Variants in GDAP1 observed in about 807,000 individuals in gnomAD.
GDAP1 encodes ganglioside induced differentiation associated protein 1, also known as ganglioside-induced differentiation-associated protein 1.
GDAP1 carries 34 observed loss-of-function variants against 40.1 expected under a neutral mutation model. The observed-to-expected ratio is 0.85, with a 90% confidence interval of 0.64 to 1.13. The LOEUF is 1.13. Ranked by LOEUF, GDAP1 falls within the 50% of genes most tolerant of loss-of-function variation. The probability of loss-of-function intolerance (pLI) is 0.00; values close to 1 mark genes in which losing one functional copy is unlikely to be tolerated. For missense variants in GDAP1, 374 were observed against 433.7 expected (o/e 0.86, Z 1.22); for synonymous variants, 170 against 157.4 (o/e 1.08, Z -0.60).
chr8:74,401,455 T>C (rs948427790), intron 2 of GDAP1, among the ~76,000 whole-genome samples: 13 of 149,830 alleles, frequency 8.7e-5, no homozygotes, highest in African/African-American at 3.3e-4. Context: ...TACATTCGTC[T>C]CTATTTTTTT....
intron 2 of GDAP1, among the ~76,000 whole-genome samples, chr8:74,376,422 G>C (rs1358437530): frequency 5.5e-5 from 8 of 146,142 alleles, no homozygotes; most frequent in South Asian, 4.3e-4. Flanking sequence ...GATCTTGGCT[G>C]ACTGCAAGCT....
At chr8:74,473,873 T>C (rs558163733) in intron 2 of GDAP1, among the ~76,000 whole-genome samples, 1 of 152,328 alleles carries the variant, frequency 6.6e-6, no homozygotes, top group African/African-American at 2.4e-5. Context: ...AGGAATAGCA[T>C]TGAATATGTA....
intron 2 of GDAP1, among the ~76,000 whole-genome samples, chr8:74,484,623 T>C (rs915538360): frequency 6.6e-6 from 1 of 152,088 alleles, no homozygotes; most frequent in Non-Finnish European, 1.5e-5. Context: ...AGAAAAACCA[T>C]AGTGTTATGA....
At position 74,422,346 on chromosome 8, in the gene GDAP1, TTTCTTCCC is replaced by T. The variant is rs1436998084; in HGVS notation, c.166-66328_166-66321del. On this transcript the variant is annotated intron_variant, in intron 2 of 2. Coordinates refer to the GDAP1 transcript ENST00000523640. ...CTTTCTTTCTTTCTTTCTTTCTTTC[TTTCTTCCC>T]TTCCTTCCTTCCTTCCTTCCTTCCT... Among the ~76,000 whole-genome samples the T allele has an allele frequency of 1.8e-3, 91 of 49,438 alleles. 1 individual carries two copies. The highest frequency in any genetic ancestry group is 0.011 in the South Asian group (13 of 1,214). 32.4% of individuals were successfully genotyped at this position (49,438 alleles called of 152,430 possible).
chr8:74,476,995 C>T (rs190278151), intron 2 of GDAP1, among the ~76,000 whole-genome samples: 4 of 152,212 alleles, frequency 2.6e-5, no homozygotes, highest in Non-Finnish European at 2.9e-5. Context: ...GCATTCTGTT[C>T]TCTTTATTTT....
At chr8:74,480,210 G>A (rs541558993) in intron 2 of GDAP1, among the ~76,000 whole-genome samples, 16 of 152,100 alleles carry the variant, frequency 1.1e-4, no homozygotes, top group African/African-American at 9.6e-5. Flanking sequence ...GGATGGTCTC[G>A]ATCTCCTGAC....
rs1390607228 is a variant in GDAP1, at chr8:74,366,532, T to G, written c.*2165T>G. 1 of 454,142 alleles carries G rather than the reference T, an allele frequency of 2.2e-6. No homozygotes were observed. 28.1% of individuals were successfully genotyped at this position (454,142 alleles called of 1,614,324 possible). A position where few individuals can be genotyped will look rare whatever the true frequency, so the allele number is the denominator to read the frequency against. ...ACAGTATTAGCTAAATAGGCACTTA[T>G]GTGTATTTTCTTTTTCATGATTATC... On this transcript the variant is annotated 3_prime_UTR_variant, in exon 6 of 6. Transcript: ENST00000220822.
At chr8:74,400,777 G>T (rs1810315714) in intron 2 of GDAP1, among the ~76,000 whole-genome samples, 1 of 149,246 alleles carries the variant, frequency 6.7e-6, no homozygotes, top group Non-Finnish European at 1.5e-5. Context: ...GCATTTGCTT[G>T]TCTGTAAAGG....
chr8:74,375,919 AG>A (rs1168706931), intron 2 of GDAP1, among the ~76,000 whole-genome samples: 6 of 152,246 alleles, frequency 3.9e-5, no homozygotes, highest in African/African-American at 1.4e-4. Flanking sequence ...GAAGTTAGCA[AG>A]TTCTCAGAAT....
chr8:74,377,662 A>G (rs2131534979), intron 2 of GDAP1, among the ~76,000 whole-genome samples: 1 of 152,378 alleles, frequency 6.6e-6, no homozygotes, highest in Non-Finnish European at 1.5e-5. Flanking sequence ...TGGAACTTTT[A>G]TAATTTACTT....
intron 2 of GDAP1, among the ~76,000 whole-genome samples, chr8:74,419,148 C>G (rs1222781264): frequency 2.0e-5 from 3 of 152,144 alleles, no homozygotes; most frequent in South Asian, 2.1e-4. Context: ...CCTGCACTTA[C>G]CATATAACTC....
intron 2 of GDAP1, among the ~76,000 whole-genome samples, chr8:74,424,764 A>G (rs1216676873): frequency 2.0e-5 from 3 of 152,222 alleles, no homozygotes; most frequent in Admixed American, 6.5e-5. Context: ...AGTGGTATCC[A>G]TGATGCAAAA....
At position 74,361,987 on chromosome 8, in the gene GDAP1, A is replaced by G. The variant is rs768849850; in HGVS notation, c.579+9A>G. On this transcript the variant is annotated intron_variant, in intron 4 of 5. Transcript: ENST00000220822. ...AACAGAAACGACTTAAAGTAAGCCA[A>G]TCAGCTGTCCTCAGTTGACATACAC... 5.5e-6 allele frequency: 8 copies of G among 1,462,362 alleles called. No individual in the cohort carries two copies. Among genetic ancestry groups the G allele is most frequent in the Middle Eastern group, 1.7e-4 (1 of 5,798 alleles). 90.6% of individuals were successfully genotyped at this position (1,462,362 alleles called of 1,614,324 possible). A position where few individuals can be genotyped will look rare whatever the true frequency, so the allele number is the denominator to read the frequency against.
intron 2 of GDAP1, among the ~76,000 whole-genome samples, chr8:74,433,786 C>T (rs1021179773): frequency 2.6e-5 from 4 of 152,122 alleles, no homozygotes; most frequent in African/African-American, 9.7e-5. Flanking sequence ...TAGCCCAGAC[C>T]TTCAGGAGGG....
chr8:74,450,470 T>TC (rs1353388296), intron 2 of GDAP1, among the ~76,000 whole-genome samples: 1 of 151,910 alleles, frequency 6.6e-6, no homozygotes, highest in Admixed American at 6.6e-5. Flanking sequence ...ATCTTTTTTG[T>TC]CCCTTGAGGT....
chr8:74,440,040 T>G (rs1806144559), intron 2 of GDAP1, among the ~76,000 whole-genome samples: 1 of 152,174 alleles, frequency 6.6e-6, no homozygotes, highest in Non-Finnish European at 1.5e-5. Flanking sequence ...AATTTAATAT[T>G]GTTATTAATT....
rs1474364183 is a variant in GDAP1, at chr8:74,366,323, C to G, written c.*1956C>G. 2 of 454,264 alleles carry G rather than the reference C, an allele frequency of 4.4e-6. No homozygotes were observed. Among genetic ancestry groups the G allele is most frequent in the Admixed American group, 2.4e-5 (1 of 42,532 alleles). The allele number at this position is 454,264 out of a possible 1,614,324, so 28.1% of individuals were successfully genotyped here. ...ATCCAGTAGACTAAGATTGAGTGTTCTTTTTGTTCAGCAACTCTTCTAAAA... is the reference window on the plus strand; with the variant it reads ...ATCCAGTAGACTAAGATTGAGTGTTGTTTTTGTTCAGCAACTCTTCTAAAA... On this transcript the variant is annotated 3_prime_UTR_variant, in exon 6 of 6. Coordinates refer to ENST00000220822, the MANE Select transcript of GDAP1 (RefSeq NM_018972.4).
intron 2 of GDAP1, among the ~76,000 whole-genome samples, chr8:74,389,968 T>TC (rs1196917900): frequency 6.6e-6 from 1 of 152,202 alleles, no homozygotes; most frequent in Non-Finnish European, 1.5e-5. Flanking sequence ...TGTCTTTTCT[T>TC]CCGCTAGATC....
At chr8:74,483,091 ACAATAAAT>A (rs2128721762) in intron 2 of GDAP1, among the ~76,000 whole-genome samples, 1 of 152,294 alleles carries the variant, frequency 6.6e-6, no homozygotes, top group East Asian at 1.9e-4. Context: ...GTTTCTGATC[ACAATAAAT>A]GAATGAGACC....
Sources: allele counts gnomAD v4.1 joint callset (sites outside exome capture counted in the v4.1 genomes callset), GRCh38; gene constraint gnomAD v4.1.1; transcripts MANE v1.5; gene names NCBI Gene and HGNC (gene_info 2026-07-23, HGNC 2026-07-21).